The following SLC35D4 variants were observed in gnomAD, a reference collection of about 807,000 sequenced individuals.
SLC35D4 encodes solute carrier family 35 member D4.
chr18:23,301,705 C>T, the SLC35D4 span, among the ~76,000 whole-genome samples: 1 of 152,196 alleles, frequency 6.6e-6, no homozygotes. Context: ...AGAAGGGTGA[C>T]TCTCCCCATC....
the SLC35D4 span, among the ~76,000 whole-genome samples, chr18:23,282,189 G>T: frequency 6.6e-6 from 1 of 152,166 alleles, no homozygotes; most frequent in South Asian, 2.1e-4. Flanking sequence ...TAATCCTGCG[G>T]GCCTTTCACA....
At chr18:23,351,035 A>G in the SLC35D4 span, among the ~76,000 whole-genome samples, 7 of 152,202 alleles carry the variant, frequency 4.6e-5, no homozygotes, top group Non-Finnish European at 2.9e-5. Flanking sequence ...CAACCTCCTC[A>G]CTCTGTCATG....
the SLC35D4 span, among the ~76,000 whole-genome samples, chr18:23,329,345 C>CA: frequency 1.3e-5 from 2 of 151,940 alleles, no homozygotes; most frequent in African/African-American, 4.8e-5. Context: ...ACAAAGAACT[C>CA]AAACAAATTT....
At chr18:23,276,303 T>A in the SLC35D4 span, among the ~76,000 whole-genome samples, 97 of 152,216 alleles carry the variant, frequency 6.4e-4, 1 homozygote, top group Admixed American at 5.8e-3. Flanking sequence ...TTAGCCAGGA[T>A]GGTCTCGATC....
At chr18:23,344,177 C>T in the SLC35D4 span, among the ~76,000 whole-genome samples, 1,888 of 152,244 alleles carry the variant, frequency 0.012, 34 homozygotes, top group African/African-American at 0.043. Context: ...CCACCATGCT[C>T]GGCCAATCTC....
the SLC35D4 span, among the ~76,000 whole-genome samples, chr18:23,354,393 C>T: frequency 1.7e-4 from 25 of 147,076 alleles, no homozygotes; most frequent in Non-Finnish European, 3.4e-4. Context: ...TGGTGGCGGG[C>T]ACCTGTAGTC....
chr18:23,426,506 C>G, the SLC35D4 span, among the ~76,000 whole-genome samples: 1 of 152,044 alleles, frequency 6.6e-6, no homozygotes, highest in Non-Finnish European at 1.5e-5. Context: ...CACTGCTCAA[C>G]AAAATAGAAG....
the SLC35D4 span, among the ~76,000 whole-genome samples, chr18:23,435,893 A>C: frequency 6.6e-6 from 1 of 150,738 alleles, no homozygotes; most frequent in Non-Finnish European, 1.5e-5. Flanking sequence ...ATGGGGTTTC[A>C]CCATATTTAC....
the SLC35D4 span, among the ~76,000 whole-genome samples, chr18:23,364,933 A>AAAAAAAAAAAAAT: frequency 1.7e-3 from 27 of 15,794 alleles, 5 homozygotes; most frequent in African/African-American, 4.2e-3. Context: ...AAAAAAAAAA[A>AAAAAAAAAAAAAT]GGACTCCTTT....
the SLC35D4 span, among the ~76,000 whole-genome samples, chr18:23,308,448 T>A: frequency 6.6e-6 from 1 of 151,984 alleles, no homozygotes. Flanking sequence ...CACAACATTC[T>A]CCATCTCAGT....
At chr18:23,392,465 G>A in the SLC35D4 span, among the ~76,000 whole-genome samples, 3 of 152,168 alleles carry the variant, frequency 2.0e-5, no homozygotes, top group Admixed American at 6.5e-5. Flanking sequence ...AACTCCTTGA[G>A]GGCAGAGGAC....
the SLC35D4 span, among the ~76,000 whole-genome samples, chr18:23,268,718 C>T: frequency 6.6e-6 from 1 of 152,102 alleles, no homozygotes; most frequent in African/African-American, 2.4e-5. Flanking sequence ...TGTTGCAGGT[C>T]CACAAATCAC....
At chr18:23,244,271 C>T in the SLC35D4 span, among the ~76,000 whole-genome samples, 1 of 152,214 alleles carries the variant, frequency 6.6e-6, no homozygotes, top group African/African-American at 2.4e-5. Flanking sequence ...ACTGAACATG[C>T]TCTGTGCCAC....
At chr18:23,399,005 T>C in the SLC35D4 span, among the ~76,000 whole-genome samples, 7 of 152,326 alleles carry the variant, frequency 4.6e-5, no homozygotes, top group Admixed American at 2.6e-4. Context: ...TTCCAAATAA[T>C]GTATCTGGAA....
chr18:23,414,295 G>GAGGAAGGAAGGAAGGA, the SLC35D4 span, among the ~76,000 whole-genome samples: 13,494 of 123,794 alleles, frequency 0.11, 1,040 homozygotes, highest in Admixed American at 0.22. Context: ...AAAAGGAAAG[G>GAGGAAGGAAGGAAGGA]AGGAAGGAAG....
At chr18:23,408,501 T>C in the SLC35D4 span, among the ~76,000 whole-genome samples, 1 of 152,216 alleles carries the variant, frequency 6.6e-6, no homozygotes, top group Non-Finnish European at 1.5e-5. Flanking sequence ...CTGACATTTC[T>C]TCTTTTTCTC....
the SLC35D4 span, among the ~76,000 whole-genome samples, chr18:23,277,703 T>A: frequency 6.6e-6 from 1 of 152,102 alleles, no homozygotes; most frequent in East Asian, 1.9e-4. Flanking sequence ...ACCACAGAGG[T>A]AACTAGGGAT....
the SLC35D4 span, among the ~76,000 whole-genome samples, chr18:23,308,155 G>C: frequency 6.6e-6 from 1 of 152,208 alleles, no homozygotes; most frequent in South Asian, 2.1e-4. Context: ...CCTCTCTGAG[G>C]TCACCTCGAT....
At chr18:23,361,594 G>A in the SLC35D4 span, among the ~76,000 whole-genome samples, 9 of 152,184 alleles carry the variant, frequency 5.9e-5, no homozygotes, top group South Asian at 4.1e-4. Flanking sequence ...TCAACAAATC[G>A]AAGTTGCAGA....
Sources: gnomAD v4.1 joint callset for allele counts (sites outside exome capture counted in the v4.1 genomes callset) on GRCh38, gnomAD v4.1.1 for gene constraint, MANE v1.5 for transcripts, NCBI Gene and HGNC (gene_info 2026-07-23, HGNC 2026-07-21) for gene names.